The following NKAIN3 variants were observed in gnomAD, a reference collection of about 807,000 sequenced individuals.
NKAIN3 encodes the protein sodium/potassium transporting ATPase interacting 3, also known as sodium/potassium-transporting ATPase subunit beta-1-interacting protein 3.
NKAIN3 carries 25 observed loss-of-function variants against 30.2 expected under a neutral mutation model. The observed-to-expected ratio is 0.83, with a 90% CI of 0.60 to 1.16. The LOEUF is 1.16. Among genes scored for constraint, NKAIN3 ranks in the 50% most tolerant of loss-of-function variants. NKAIN3 has a pLI of 0.00. For missense variants in NKAIN3, 225 were observed against 254.1 expected, an observed-to-expected ratio of 0.89 and a Z score of 0.78; for synonymous variants, 91 against 89.6, an observed-to-expected ratio of 1.02 and a Z score of -0.09.
intron 4 of NKAIN3, among the ~76,000 whole-genome samples, chr8:62,748,225 T>C (rs192643213): frequency 1.8e-4 from 28 of 152,290 alleles, no homozygotes; most frequent in African/African-American, 6.3e-4. Context: ...GGGTCACTGA[T>C]GTGAGCCTGT....
At chr8:62,765,908 A>T (rs1816822635) in intron 4 of NKAIN3, among the ~76,000 whole-genome samples, 1 of 152,132 alleles carries the variant, frequency 6.6e-6, no homozygotes, top group Non-Finnish European at 1.5e-5. Flanking sequence ...TTATAATTTT[A>T]AAAATATACT....
rs191823723 is a variant in NKAIN3 at position 62,704,279 on chromosome 8, C to T, written c.274-42653C>T. Among the ~76,000 whole-genome samples, 357 of 152,140 alleles carry T rather than the reference C, an allele frequency of 2.3e-3. 2 individuals are homozygous for T. Among genetic ancestry groups the T allele is most frequent in the Middle Eastern group, 0.01 (3 of 294 alleles). On this transcript the variant is annotated intron_variant, in intron 3 of 6. Coordinates refer to ENST00000623646, the MANE Select transcript of NKAIN3 (RefSeq NM_001304533.3). ...AGTTTACATTACAATATGTTTCATA[C>T]CTAAAAGATCATTTTTTTCTGCCTA...
At chr8:62,388,941 C>T (rs1363188200) in intron 1 of NKAIN3, among the ~76,000 whole-genome samples, 1 of 152,202 alleles carries the variant, frequency 6.6e-6, no homozygotes, top group East Asian at 1.9e-4. Context: ...CAGTGCCTCA[C>T]AGACCCAAAT....
chr8:62,702,393 AT>A (rs940548907), intron 3 of NKAIN3, among the ~76,000 whole-genome samples: 2 of 152,220 alleles, frequency 1.3e-5, no homozygotes, highest in African/African-American at 4.8e-5. Flanking sequence ...GGTCAAAGGC[AT>A]TGGAAAAATA....
intron 1 of NKAIN3, among the ~76,000 whole-genome samples, chr8:62,350,992 G>A (rs916127095): frequency 4.6e-5 from 7 of 151,792 alleles, no homozygotes; most frequent in Non-Finnish European, 8.8e-5. Flanking sequence ...GCCCAGCCGA[G>A]TAATGAGCTT....
chr8:62,250,493 G>A (rs1585596026), intron 1 of NKAIN3, among the ~76,000 whole-genome samples: 1 of 152,160 alleles, frequency 6.6e-6, no homozygotes, highest in East Asian at 1.9e-4. Flanking sequence ...AAAGAAGGCA[G>A]GAGCTTGATT....
At chr8:62,369,840 T>C (rs1816853498) in intron 1 of NKAIN3, among the ~76,000 whole-genome samples, 1 of 151,954 alleles carries the variant, frequency 6.6e-6, no homozygotes, top group African/African-American at 2.4e-5. Context: ...ACTGTTTCTT[T>C]GCCTGCCTAC....
rs376865767 is a variant in NKAIN3, at chr8:62,297,509, G to A, written c.54+48382G>A. Among the ~76,000 whole-genome samples the A allele has an allele frequency of 3.1e-3, 459 of 149,574 alleles. 3 individuals carry two copies. Among genetic ancestry groups the A allele is most frequent in the African/African-American group, 0.011 (443 of 40,566 alleles). ...CAAACAACCCCATCAAAAAGTGGGCGAAGGACATGAACAGACACTTCTCAA... is the reference window on the plus strand; with the variant it reads ...CAAACAACCCCATCAAAAAGTGGGCAAAGGACATGAACAGACACTTCTCAA... On this transcript the variant is annotated intron_variant, in intron 1 of 6. Transcript: ENST00000623646.
intron 1 of NKAIN3, among the ~76,000 whole-genome samples, chr8:62,513,457 A>G (rs1807875967): frequency 6.6e-6 from 1 of 152,164 alleles, no homozygotes; most frequent in East Asian, 1.9e-4. Flanking sequence ...TGAAGTCATG[A>G]ATTTGAATGA....
At chr8:62,925,582 C>G (rs941341340) in intron 5 of NKAIN3, among the ~76,000 whole-genome samples, 5 of 152,136 alleles carry the variant, frequency 3.3e-5, no homozygotes, top group African/African-American at 1.2e-4. Flanking sequence ...TTCTGTGTTT[C>G]TACTTGAAAC....
At chr8:62,785,243 A>G (rs148304299) in intron 4 of NKAIN3, among the ~76,000 whole-genome samples, 1 of 152,312 alleles carries the variant, frequency 6.6e-6, no homozygotes, top group East Asian at 1.9e-4. Context: ...TTATTCAGCA[A>G]TAAAAGTAAA....
chr8:62,327,914 G>A (rs935262574), intron 1 of NKAIN3, among the ~76,000 whole-genome samples: 1 of 151,890 alleles, frequency 6.6e-6, no homozygotes, highest in African/African-American at 2.4e-5. Context: ...CATGAACATG[G>A]GATCTCTTTC....
intron 1 of NKAIN3, among the ~76,000 whole-genome samples, chr8:62,293,639 C>T (rs1813725480): frequency 6.6e-6 from 1 of 152,214 alleles, no homozygotes; most frequent in African/African-American, 2.4e-5. Flanking sequence ...AGGTGTCAGT[C>T]AGCCCGTATT....
intron 4 of NKAIN3, among the ~76,000 whole-genome samples, chr8:62,763,083 T>C (rs931088230): frequency 2.0e-5 from 3 of 151,262 alleles, no homozygotes; most frequent in Admixed American, 6.6e-5. Flanking sequence ...TAGCCGGGCA[T>C]GGTGGCGGGC....
At chr8:62,333,714 A>G (rs1363046979) in intron 1 of NKAIN3, among the ~76,000 whole-genome samples, 1 of 152,114 alleles carries the variant, frequency 6.6e-6, no homozygotes, top group East Asian at 1.9e-4. Flanking sequence ...TTGATAGGAT[A>G]TAAATAGACA....
At chr8:62,742,037 AC>A (rs1419586039) in intron 3 of NKAIN3, among the ~76,000 whole-genome samples, 1 of 152,070 alleles carries the variant, frequency 6.6e-6, no homozygotes, top group East Asian at 1.9e-4. Context: ...TTTTTTCTCT[AC>A]CCTTCTGAGT....
intron 1 of NKAIN3, among the ~76,000 whole-genome samples, chr8:62,518,938 G>A (rs887281236): frequency 1.6e-4 from 25 of 152,244 alleles, no homozygotes; most frequent in African/African-American, 6.0e-4. Flanking sequence ...GATTTACTAG[G>A]CAATCTCTCA....
intron 1 of NKAIN3, among the ~76,000 whole-genome samples, chr8:62,415,357 TGA>T (rs572452472): frequency 6.8e-6 from 1 of 148,008 alleles, no homozygotes; most frequent in Non-Finnish European, 1.5e-5. Context: ...ATGATGATGA[TGA>T]GAGAGATCAG....
intron 1 of NKAIN3, among the ~76,000 whole-genome samples, chr8:62,375,569 G>A (rs560413131): frequency 3.3e-5 from 5 of 152,130 alleles, no homozygotes; most frequent in East Asian, 1.9e-4. Flanking sequence ...ATTCATAAGC[G>A]TAAATACTAC....
Sources: allele counts gnomAD v4.1 joint callset (sites outside exome capture counted in the v4.1 genomes callset), GRCh38; gene constraint gnomAD v4.1.1; transcripts MANE v1.5; gene names NCBI Gene and HGNC (gene_info 2026-07-23, HGNC 2026-07-21).